RBM17: variants seen among roughly 807,000 people sequenced by gnomAD.
The protein encoded by RBM17 is splicing factor 45.
A neutral mutation model predicts 53.2 loss-of-function variants in RBM17; 7 were observed. The observed-to-expected ratio is 0.13, with a 90% confidence interval of 0.07 to 0.25. RBM17 has a LOEUF of 0.25. RBM17 is among the 10% of genes least tolerant of loss of function. The pLI is 1.00. For missense variants in RBM17, 257 were observed against 496.7 expected, an observed-to-expected ratio of 0.52 and a Z score of 4.59; for synonymous variants, 167 against 178.1, an observed-to-expected ratio of 0.94 and a Z score of 0.50.
chr10:6,099,100 A>T (rs1190755260), intron 2 of RBM17, among the ~76,000 whole-genome samples: 4 of 151,548 alleles, frequency 2.6e-5, no homozygotes, highest in Non-Finnish European at 5.9e-5. Flanking sequence ...AATTTTTTTT[A>T]AAAGTACATT....
intron 10 of RBM17, chr10:6,114,996 C>G: frequency 2.1e-6 from 1 of 468,060 alleles, no homozygotes; most frequent in Middle Eastern, 5.7e-4. Flanking sequence ...GGCACAGGGC[C>G]TTTATGAGGT....
intron 2 of RBM17, among the ~76,000 whole-genome samples, chr10:6,100,347 T>C (rs11256726): frequency 0.038 from 5,848 of 152,310 alleles, 207 homozygotes; most frequent in East Asian, 0.18. Flanking sequence ...CCTGACGCAG[T>C]GTGCCTGCTG....
chr10:6,114,565 TAACTG>T (rs1840887698), intron 10 of RBM17: 1 of 162,130 alleles, frequency 6.2e-6, no homozygotes, highest in Admixed American at 5.9e-5. Flanking sequence ...ACACATAAAA[TAACTG>T]AAAGATATTC....
chr10:6,104,836 G>T, intron 3 of RBM17, 95 bp from the exon 4 acceptor site: 2 of 1,010,616 alleles, frequency 2.0e-6, no homozygotes, highest in Non-Finnish European at 3.0e-6. Flanking sequence ...ATGATGTTCA[G>T]AGTCCTTTTA....
At chr10:6,113,993 C>T in intron 9 of RBM17, 56 bp from the exon 10 acceptor site, 1 of 1,099,312 alleles carries the variant, frequency 9.1e-7, no homozygotes, top group Non-Finnish European at 1.4e-6. Flanking sequence ...TATACCTCTG[C>T]TAGGTGTTTG....
intron 1 of RBM17, among the ~76,000 whole-genome samples, chr10:6,095,033 A>G (rs1840551562): frequency 1.3e-5 from 2 of 152,134 alleles, no homozygotes. Flanking sequence ...CAAGACTTTG[A>G]GGACATGGTT....
At chr10:6,114,653 G>T (rs1840888981) in intron 10 of RBM17, 2 of 156,808 alleles carry the variant, frequency 1.3e-5, no homozygotes, top group South Asian at 3.8e-4. Flanking sequence ...AAAATAGACT[G>T]CCTTGTGAGC....
chr10:6,105,927 T>C (rs1840742119), intron 4 of RBM17, among the ~76,000 whole-genome samples: 1 of 152,180 alleles, frequency 6.6e-6, no homozygotes, highest in African/African-American at 2.4e-5. Flanking sequence ...CGTATACTTA[T>C]TGGTTCAATT....
In RBM17 at chr10:6,097,119, C is replaced by T; in HGVS notation, c.54C>T (p.Gly18=). Residue 18 remains glycine (G), a synonymous_variant, in exon 2 of 12, where the codon GGC becomes GGT. Coordinates refer to ENST00000379888, the MANE Select transcript of RBM17 (RefSeq NM_032905.5). ...GVETSDSKTE[G]WSKNFKLLQS... ...AGACCAGTGACTCAAAAACAGAAGG[C>T]TGGTCCAAAAACTTCAAACTTCTGC... The T allele has an allele frequency of 1.9e-6, 3 of 1,613,896 alleles. No individual in the cohort carries two copies. The highest frequency in any genetic ancestry group is 2.5e-6 in the Non-Finnish European group (3 of 1,179,838).
Position 6,115,614 on chromosome 10 carries a change from GA to G in RBM17, c.*62del. Reference sequence around the variant, plus strand: ...GATCCTTAAATGAACTGCAGGCTGAGAAAAGAAGGAAAAAGGTCACAGCCTC... The same window carrying G: ...GATCCTTAAATGAACTGCAGGCTGAGAAAGAAGGAAAAAGGTCACAGCCTC... On this transcript the variant is annotated 3_prime_UTR_variant, in exon 12 of 12. Coordinates refer to ENST00000379888, the MANE Select transcript of RBM17 (RefSeq NM_032905.5). 9.1e-7 allele frequency: 1 copy of G among 1,102,820 alleles called. No individual in the cohort carries two copies. 68.3% of individuals were successfully genotyped at this position (1,102,820 alleles called of 1,614,324 possible).
At chr10:6,098,556 G>GGTTTTTGTTTTTT (rs1840613398) in intron 2 of RBM17, among the ~76,000 whole-genome samples, 49 of 87,952 alleles carry the variant, frequency 5.6e-4, no homozygotes, top group African/African-American at 6.5e-4. Flanking sequence ...TAATACACAG[G>GGTTTTTGTTTTTT]TTTTTTGTTT....
intron 3 of RBM17, among the ~76,000 whole-genome samples, chr10:6,103,191 T>A (rs893243978): frequency 2.6e-5 from 4 of 152,156 alleles, no homozygotes; most frequent in Non-Finnish European, 5.9e-5. Flanking sequence ...TTATGGCCAA[T>A]CTGTTCTGGC....
At chr10:6,099,506 T>A (rs1211107847) in intron 2 of RBM17, among the ~76,000 whole-genome samples, 1 of 152,170 alleles carries the variant, frequency 6.6e-6, no homozygotes, top group Non-Finnish European at 1.5e-5. Flanking sequence ...CGTGCCCAAG[T>A]CCCTTATATA....
rs773251313 is a variant in RBM17, at chr10:6,115,250, C to T, written c.1041C>T (p.Ala347=). Residue 347 remains alanine, a synonymous_variant, in exon 11 of 12, where the codon GCC becomes GCT. Transcript: ENST00000379888. ...TCATTTTCTTCCAGATTCCTGGTGC[C>T]CCTGATGATGAAGCAGTACGGATAT... ...GKCVIFEIPG[A]PDDEAVRIFL... 9 of 1,612,804 alleles carry T rather than the reference C, an allele frequency of 5.6e-6. No individual in the cohort carries two copies. Among genetic ancestry groups the T allele is most frequent in the Non-Finnish European group, 7.6e-6 (9 of 1,179,590 alleles).
At chr10:6,096,332 C>T (rs1840573985) in intron 1 of RBM17, among the ~76,000 whole-genome samples, 1 of 152,154 alleles carries the variant, frequency 6.6e-6, no homozygotes, top group Non-Finnish European at 1.5e-5. Context: ...TTTCATGGGA[C>T]CTGCTGCCGA....
At position 6,108,745 on chromosome 10, in the gene RBM17, A is replaced by C; in HGVS notation, c.562+3A>C. ...TCTGGTAGAGAAAGACAAAGAGTGTAAGTAGATCTGTTTCTTCCTCTTTTA... is the reference window on the plus strand; with the variant it reads ...TCTGGTAGAGAAAGACAAAGAGTGTCAGTAGATCTGTTTCTTCCTCTTTTA... On this transcript the variant is annotated splice_donor_region_variant and intron_variant, in intron 6 of 11. Coordinates refer to ENST00000379888, the MANE Select transcript of RBM17 (RefSeq NM_032905.5). The C allele has an allele frequency of 6.2e-7, 1 of 1,607,846 alleles. No individual in the cohort carries two copies.
intron 5 of RBM17, 63 bp from the exon 6 acceptor site, chr10:6,108,623 C>T: frequency 1.5e-6 from 2 of 1,327,178 alleles, no homozygotes; most frequent in South Asian, 1.2e-5. Flanking sequence ...TATGGTGTGT[C>T]ATAGTCGTTT....
At chr10:6,100,653 T>C (rs1483051354) in intron 2 of RBM17, among the ~76,000 whole-genome samples, 1 of 103,600 alleles carries the variant, frequency 9.7e-6, no homozygotes, top group Non-Finnish European at 2.0e-5. Flanking sequence ...TCAGGAACTT[T>C]GGTAGGATCC....
chr10:6,103,488 A>G (rs938892100), intron 3 of RBM17, among the ~76,000 whole-genome samples: 3 of 152,204 alleles, frequency 2.0e-5, no homozygotes, highest in Non-Finnish European at 4.4e-5. Context: ...TGTTAGATAA[A>G]TTGAGTGGCT....
Sources: gnomAD v4.1 joint callset for allele counts (sites outside exome capture counted in the v4.1 genomes callset) on GRCh38, gnomAD v4.1.1 for gene constraint, MANE v1.5 for transcripts, NCBI Gene and HGNC (gene_info 2026-07-23, HGNC 2026-07-21) for gene names.